Variants in THSD4 observed in about 807,000 individuals in gnomAD.
The protein encoded by THSD4 is thrombospondin type 1 domain containing 4.
THSD4 carries 69 observed loss-of-function variants against 119.0 expected under a neutral mutation model. That is an observed-to-expected ratio of 0.58 (90% CI 0.48 to 0.71). The LOEUF is 0.71. Among genes scored for constraint, THSD4 ranks in the 30% least tolerant of loss-of-function variants. The pLI, the probability that THSD4 is intolerant of heterozygous loss-of-function variation, is 0.00. For missense variants in THSD4, 1,393 were observed against 1,391.1 expected, an observed-to-expected ratio of 1.00 and a Z score of -0.02; for synonymous variants, 524 against 540.4, an observed-to-expected ratio of 0.97 and a Z score of 0.42.
intron 6 of THSD4, among the ~76,000 whole-genome samples, chr15:71,322,505 C>T (rs1298057212): frequency 6.6e-6 from 1 of 152,146 alleles, no homozygotes. Context: ...TCTATGACTG[C>T]ATAACAAATT....
At chr15:71,686,720 G>T (rs1344709300) in intron 8 of THSD4, among the ~76,000 whole-genome samples, 4 of 152,178 alleles carry the variant, frequency 2.6e-5, no homozygotes, top group African/African-American at 9.7e-5. Flanking sequence ...CTCTGTGGGG[G>T]GAAGCAGTAG....
intron 6 of THSD4, among the ~76,000 whole-genome samples, chr15:71,345,960 C>T (rs2045654684): frequency 6.6e-6 from 1 of 152,114 alleles, no homozygotes; most frequent in Non-Finnish European, 1.5e-5. Context: ...AATTCTCATA[C>T]ATAACCACAA....
intron 6 of THSD4, among the ~76,000 whole-genome samples, chr15:71,346,354 G>T (rs2045660432): frequency 6.6e-6 from 1 of 152,130 alleles, no homozygotes; most frequent in South Asian, 2.1e-4. Flanking sequence ...TTGTCCATTT[G>T]CTCCTTTATT....
intron 7 of THSD4, among the ~76,000 whole-genome samples, chr15:71,561,327 G>C (rs1259294646): frequency 6.6e-6 from 1 of 152,132 alleles, no homozygotes; most frequent in African/African-American, 2.4e-5. Context: ...TTTTAGTGAA[G>C]ATTAAGGAGG....
chr15:71,526,816 G>C (rs142153020), intron 7 of THSD4, among the ~76,000 whole-genome samples: 29 of 152,306 alleles, frequency 1.9e-4, no homozygotes, highest in African/African-American at 6.7e-4. Flanking sequence ...ACCTAGAATA[G>C]ATTCTCTTAT....
intron 6 of THSD4, among the ~76,000 whole-genome samples, chr15:71,343,791 C>T (rs2045614520): frequency 6.7e-6 from 1 of 149,908 alleles, no homozygotes. Flanking sequence ...TGGCTCACTG[C>T]AGCCTCAGCC....
chr15:71,771,664 G>A (rs2053826210), intron 17 of THSD4, among the ~76,000 whole-genome samples: 1 of 152,164 alleles, frequency 6.6e-6, no homozygotes, highest in African/African-American at 2.4e-5. Context: ...GGGGCGTAGT[G>A]CAAGCTGAGT....
intron 3 of THSD4, chr15:71,189,123 G>T (rs144237784): frequency 1.3e-5 from 2 of 152,332 alleles, no homozygotes; most frequent in East Asian, 1.9e-4. Flanking sequence ...ACCCAGTCTC[G>T]TGAGATCAGA....
chr15:71,222,438 A>G (rs1356643284), intron 4 of THSD4, among the ~76,000 whole-genome samples: 1 of 152,144 alleles, frequency 6.6e-6, no homozygotes, highest in Non-Finnish European at 1.5e-5. Flanking sequence ...GGGGAATGGG[A>G]TATTTGATGG....
chr15:71,252,547 C>G (rs1443519437), intron 5 of THSD4, among the ~76,000 whole-genome samples: 1 of 152,252 alleles, frequency 6.6e-6, no homozygotes, highest in Non-Finnish European at 1.5e-5. Context: ...GCCTCTAGCC[C>G]TATCCTGACA....
chr15:71,162,087 G>C (rs1280587894), intron 3 of THSD4, among the ~76,000 whole-genome samples: 5 of 151,904 alleles, frequency 3.3e-5, no homozygotes, highest in Non-Finnish European at 5.9e-5. Context: ...ATGTTCCTCA[G>C]CCACTAATTG....
In THSD4 at chr15:71,524,682, C is replaced by T. The variant is rs1595856715; in HGVS notation, c.1152+112859C>T. ...TGCAGTCTCAGCTCACTGCAAACTC[C>T]GCCTCCTGGGTTCATGCCATTCTCC... On this transcript the variant is annotated intron_variant, in intron 7 of 17. Transcript: ENST00000261862. 2.0e-5 allele frequency among the ~76,000 whole-genome samples: 3 copies of T among 146,622 alleles called. No homozygotes were observed. In the East Asian group the frequency reaches 6.1e-4, roughly 30 times the overall value.
chr15:71,147,074 A>G (rs2141376129), intron 2 of THSD4, among the ~76,000 whole-genome samples: 1 of 152,320 alleles, frequency 6.6e-6, no homozygotes, highest in Admixed American at 6.5e-5. Context: ...AGTAATTCCA[A>G]TTTGTAGAAA....
At chr15:71,206,370 G>C (rs1229651455) in intron 3 of THSD4, among the ~76,000 whole-genome samples, 1 of 152,158 alleles carries the variant, frequency 6.6e-6, no homozygotes, top group Non-Finnish European at 1.5e-5. Context: ...ACAGGCCCCA[G>C]GTTGTCCTAG....
intron 15 of THSD4, 73 bp downstream of exon 15, chr15:71,758,148 G>A (rs2053576089): frequency 6.8e-7 from 1 of 1,463,648 alleles, no homozygotes; most frequent in South Asian, 1.4e-5. Context: ...TAGGAACCAG[G>A]ACTTTGTGTC....
chr15:71,667,796 T>TA (rs2051445182), intron 8 of THSD4, among the ~76,000 whole-genome samples: 1 of 152,128 alleles, frequency 6.6e-6, no homozygotes, highest in Non-Finnish European at 1.5e-5. Flanking sequence ...AGCAAAAAGG[T>TA]AAAATTCCCT....
intron 7 of THSD4, among the ~76,000 whole-genome samples, chr15:71,535,444 G>A (rs2048676871): frequency 6.6e-6 from 1 of 152,110 alleles, no homozygotes; most frequent in Non-Finnish European, 1.5e-5. Context: ...ATGCTGCTAC[G>A]AACATGTGGA....
At chr15:71,355,186 G>A (rs190237057) in intron 6 of THSD4, among the ~76,000 whole-genome samples, 113 of 152,292 alleles carry the variant, frequency 7.4e-4, no homozygotes, top group Middle Eastern at 3.4e-3. Context: ...ATCAAATCAT[G>A]TTTCAAATAA....
intron 7 of THSD4, among the ~76,000 whole-genome samples, chr15:71,609,870 A>G (rs1479344237): frequency 6.6e-6 from 1 of 151,206 alleles, no homozygotes; most frequent in East Asian, 1.9e-4. Context: ...AAAAAAAAGA[A>G]AAAAAGAAAA....
Sources: allele counts gnomAD v4.1 joint callset (sites outside exome capture counted in the v4.1 genomes callset), GRCh38; gene constraint gnomAD v4.1.1; transcripts MANE v1.5; gene names NCBI Gene and HGNC (gene_info 2026-07-23, HGNC 2026-07-21).